GPR78: variants seen among roughly 807,000 people sequenced by gnomAD.
GPR78 encodes G protein-coupled receptor 78.
In GPR78, 29 loss-of-function variants were observed where a neutral mutation model predicts 17.9. The ratio of observed to expected loss-of-function variants is 1.62; its 90% CI spans 1.20 to 2.21. The LOEUF is 2.21. GPR78 is among the 30% of genes most tolerant of loss of function. The probability of loss-of-function intolerance (pLI) is 0.00; values close to 1 mark genes in which losing one functional copy is unlikely to be tolerated. For synonymous variants in GPR78, 349 were observed against 256.9 expected (o/e 1.36, Z -3.43); for missense variants, 649 against 530.5 (o/e 1.22, Z -2.19).
rs761022639 is a variant in GPR78 at position 8,581,581 on chromosome 4, G to T, written c.599G>T (p.Arg200Leu). Residue 200 changes from arginine (R) to leucine (L), a missense_variant, in exon 1 of 3, where the codon CGC (arginine) becomes CTC (leucine). Arg to Leu is a moderately radical substitution (Grantham distance 102). Coordinates refer to ENST00000382487, the MANE Select transcript of GPR78 (RefSeq NM_080819.5). ...LTSLQVHRVA[R>L]RHCQRMDTVT... is the part of the protein sequence containing the mutation. ...TCGCTCCAGGTGCACCGGGTGGCACGCAGACACTGCCAGCGCATGGACACC... is the reference window on the plus strand; with the variant it reads ...TCGCTCCAGGTGCACCGGGTGGCACTCAGACACTGCCAGCGCATGGACACC... The T allele has an allele frequency of 3.2e-6, 5 of 1,568,062 alleles. No homozygotes were observed. Among genetic ancestry groups the T allele is most frequent in the Non-Finnish European group, 4.3e-6 (5 of 1,164,780 alleles).
chr4:8,587,647 G>A lies in GPR78; in HGVS notation c.*284G>A, dbSNP rs759178343. ...CTCACCCTTGTTCTGGGGTCATGGC[G>A]ATGCTTCGAGACAGTGGGTAGGGAA... is the stretch of plus-strand genomic sequence containing the variant. On this transcript the variant is annotated 3_prime_UTR_variant, in exon 3 of 3. Transcript: ENST00000382487. The A allele has an allele frequency of 2.5e-5, 13 of 521,706 alleles. No homozygotes were observed. The highest frequency in any genetic ancestry group is 3.5e-5 in the Non-Finnish European group (10 of 288,416). The allele number at this position is 521,706 out of a possible 1,614,324, so 32.3% of individuals were successfully genotyped here. A position where few individuals can be genotyped will look rare whatever the true frequency, so the allele number is the denominator to read the frequency against.
chr4:8,586,283 C>G (rs1479306281), intron 2 of GPR78, among the ~76,000 whole-genome samples: 1 of 152,230 alleles, frequency 6.6e-6, no homozygotes, highest in Non-Finnish European at 1.5e-5. Context: ...CCCTTCTACT[C>G]TGAGTTCTAA....
In GPR78 at chr4:8,589,679, T is replaced by C. The variant is rs901591845; in HGVS notation, c.*2316T>C. Among the ~76,000 whole-genome samples the C allele has an allele frequency of 1.3e-5, 2 of 152,228 alleles. No homozygotes were observed. Among genetic ancestry groups the C allele is most frequent in the African/African-American group, 4.8e-5 (2 of 41,466 alleles). ...CCGCCAGGCTAAAAGCCTTGGTCAC[T>C]ACTTTAGAGCCACTCAAGGAAACGC... is the stretch of plus-strand genomic sequence containing the variant. On this transcript the variant is annotated 3_prime_UTR_variant, in exon 3 of 3. Transcript: ENST00000382487.
intron 2 of GPR78, among the ~76,000 whole-genome samples, chr4:8,586,114 T>G (rs13146971): frequency 6.6e-6 from 1 of 152,104 alleles, no homozygotes; most frequent in African/African-American, 2.4e-5. Context: ...AGAAGCCTCG[T>G]CCTCACTCTG....
Position 8,585,779 on chromosome 4 carries a change from G to C in GPR78, c.783-1275G>C, listed in dbSNP as rs542968608. Among the ~76,000 whole-genome samples the C allele has an allele frequency of 2.5e-3, 386 of 152,210 alleles. 3 individuals carry two copies. Among genetic ancestry groups the C allele is most frequent in the Non-Finnish European group, 4.0e-3 (270 of 68,012 alleles). ...GCCCCTCAGCTTGAGGTGGTTGCCTGCCTGCCTGCCTGCCAGCCTCCTCAT... is the reference window on the plus strand; with the variant it reads ...GCCCCTCAGCTTGAGGTGGTTGCCTCCCTGCCTGCCTGCCAGCCTCCTCAT... On this transcript the variant is annotated intron_variant, in intron 2 of 2. Transcript: ENST00000382487.
At chr4:8,582,890 A>G (rs1379390058) in intron 2 of GPR78, 2 of 442,306 alleles carry the variant, frequency 4.5e-6, no homozygotes, top group South Asian at 7.8e-5. Context: ...ACAGGCAGAT[A>G]TGGGGTCTGT....
chr4:8,585,905 G>C (rs996340940), intron 2 of GPR78, among the ~76,000 whole-genome samples: 1 of 152,176 alleles, frequency 6.6e-6, no homozygotes, highest in Non-Finnish European at 1.5e-5. Context: ...AAACTAATGA[G>C]TGACCCAGCC....
rs1418304968 is a variant in GPR78 at position 8,580,692 on chromosome 4, T to A, written c.-291T>A. Reference sequence around the variant, plus strand: ...GCGCCTCGCTTCAGCCTCAGGACAGTCCTGCCGGGACGGTGAGCGCATTCA... The same window carrying A: ...GCGCCTCGCTTCAGCCTCAGGACAGACCTGCCGGGACGGTGAGCGCATTCA... On this transcript the variant is annotated 5_prime_UTR_variant, in exon 1 of 3. Coordinates refer to ENST00000382487, the MANE Select transcript of GPR78 (RefSeq NM_080819.5). 1 of 497,494 alleles carries A rather than the reference T, an allele frequency of 2.0e-6. No homozygotes were observed. The highest frequency in any genetic ancestry group is 2.0e-5 in the African/African-American group (1 of 48,952). 30.8% of individuals were successfully genotyped at this position (497,494 alleles called of 1,614,324 possible).
At chr4:8,586,066 G>A (rs2109301703) in intron 2 of GPR78, among the ~76,000 whole-genome samples, 1 of 152,342 alleles carries the variant, frequency 6.6e-6, no homozygotes, top group Admixed American at 6.5e-5. Context: ...AGGTGGAACA[G>A]CTGCCACTGG....
At position 8,589,332 on chromosome 4, in the gene GPR78, C is replaced by A. The variant is rs559951092; in HGVS notation, c.*1969C>A. ...GGAAGCAGTTAAAAACATTAAAATA[C>A]AGACCTGGCCAGTTCAATCCAACCC... On this transcript the variant is annotated 3_prime_UTR_variant, in exon 3 of 3. Transcript: ENST00000382487. Among the ~76,000 whole-genome samples, 1 of 152,100 alleles carries A rather than the reference C, an allele frequency of 6.6e-6. No homozygotes were observed. Among genetic ancestry groups the A allele is most frequent in the African/African-American group, 2.4e-5 (1 of 41,410 alleles).
rs1055892677 is a variant in GPR78, at chr4:8,588,661, C to T, written c.*1298C>T. Among the ~76,000 whole-genome samples the T allele has an allele frequency of 6.6e-6, 1 of 152,230 alleles. No individual in the cohort carries two copies. Among genetic ancestry groups the T allele is most frequent in the East Asian group, 1.9e-4 (1 of 5,192 alleles). On this transcript the variant is annotated 3_prime_UTR_variant, in exon 3 of 3. Coordinates refer to ENST00000382487, the MANE Select transcript of GPR78 (RefSeq NM_080819.5). ...CTCTCTGATGGGCTTCAACCGTGGGCTCTTGCAGGCATGGAGCCTGTATCA... is the reference window on the plus strand; with the variant it reads ...CTCTCTGATGGGCTTCAACCGTGGGTTCTTGCAGGCATGGAGCCTGTATCA...
Position 8,581,223 on chromosome 4 carries a change from G to A in GPR78, c.241G>A (p.Val81Ile). ...RTPSAPGACQ[V>I]IGFLDTFLAS... ...ACCGTCGGCGCCCGGCGCATGCCAAGTCATTGGCTTCCTGGACACCTTCCT... is the reference window on the plus strand; with the variant it reads ...ACCGTCGGCGCCCGGCGCATGCCAAATCATTGGCTTCCTGGACACCTTCCT... The change falls in exon 1 of 3, where the codon GTC becomes ATC. Residue 81 changes from valine (V) to isoleucine (I), a missense_variant. Coordinates refer to ENST00000382487, the MANE Select transcript of GPR78 (RefSeq NM_080819.5). The A allele has an allele frequency of 6.3e-7, 1 of 1,598,054 alleles. No individual in the cohort carries two copies. The highest frequency in any genetic ancestry group is 8.5e-7 in the Non-Finnish European group (1 of 1,177,088).
chr4:8,586,590 C>T (rs1458785057), intron 2 of GPR78, among the ~76,000 whole-genome samples: 1 of 152,182 alleles, frequency 6.6e-6, no homozygotes, highest in Non-Finnish European at 1.5e-5. Context: ...CAACATTGTC[C>T]AGGTTTGGGA....
Position 8,581,225 on chromosome 4 carries a change from C to T in GPR78, c.243C>T (p.Val81=), listed in dbSNP as rs769431178. 3.4e-5 allele frequency: 54 copies of T among 1,597,376 alleles called. 1 individual carries two copies. Among genetic ancestry groups the T allele is most frequent in the Non-Finnish European group, 4.3e-5 (51 of 1,176,816 alleles). ...RTPSAPGACQ[V]IGFLDTFLAS... The stretch of plus-strand genomic sequence containing the variant: ...CGTCGGCGCCCGGCGCATGCCAAGT[C>T]ATTGGCTTCCTGGACACCTTCCTGG... Residue 81 remains valine (V), a synonymous_variant, in exon 1 of 3, where the codon GTC becomes GTT. Coordinates refer to ENST00000382487, the MANE Select transcript of GPR78 (RefSeq NM_080819.5).
intron 1 of GPR78, 72 bp from the exon 2 acceptor site, chr4:8,582,459 G>A (rs1577098465): frequency 2.0e-6 from 2 of 1,011,942 alleles, no homozygotes; most frequent in East Asian, 4.8e-5. Context: ...CCTCACTTCA[G>A]CCCCTGGGCT....
chr4:8,581,107 G>C lies in GPR78; in HGVS notation c.125G>C (p.Gly42Ala). Residue 42 changes from glycine to alanine, a missense_variant, in exon 1 of 3, where the codon GGC (glycine) becomes GCC (alanine). Transcript: ENST00000382487. The part of the protein sequence containing the change: ...YSAELRTRAS[G>A]VLLVNLSLGH... The stretch of plus-strand genomic sequence containing the variant: ...GCTGAGCTCCGCACTCGAGCCTCAG[G>C]CGTCCTCCTGGTGAATCTGTCTCTG... 1 of 1,606,472 alleles carries C rather than the reference G, an allele frequency of 6.2e-7. No homozygotes were observed. The highest frequency in any genetic ancestry group is 8.5e-7 in the Non-Finnish European group (1 of 1,179,708).
Position 8,588,633 on chromosome 4 carries a change from G to C in GPR78, c.*1270G>C, listed in dbSNP as rs1713612968. Among the ~76,000 whole-genome samples, 1 of 152,204 alleles carries C rather than the reference G, an allele frequency of 6.6e-6. No individual in the cohort carries two copies. Among genetic ancestry groups the C allele is most frequent in the African/African-American group, 2.4e-5 (1 of 41,450 alleles). On this transcript the variant is annotated 3_prime_UTR_variant, in exon 3 of 3. Coordinates refer to ENST00000382487, the MANE Select transcript of GPR78 (RefSeq NM_080819.5). ...CAAGACCTCAGGCCCCTGCCTCATG[G>C]GACTCTCTGATGGGCTTCAACCGTG... is the stretch of plus-strand genomic sequence containing the variant.
At position 8,586,624 on chromosome 4, in the gene GPR78, G is replaced by A. The variant is rs371444145; in HGVS notation, c.783-430G>A. Reference sequence around the variant, plus strand: ...GAGATAAATGCCAGAGGAGAGTCTGGTTGGGGGCTCCCAGAGCTCACATCT... The same window carrying A: ...GAGATAAATGCCAGAGGAGAGTCTGATTGGGGGCTCCCAGAGCTCACATCT... On this transcript the variant is annotated intron_variant, in intron 2 of 2. Transcript: ENST00000382487. Among the ~76,000 whole-genome samples the A allele has an allele frequency of 1.2e-4, 18 of 152,362 alleles. No individual in the cohort carries two copies. In the East Asian group the frequency reaches 1.7e-3, roughly 15 times the overall value.
At chr4:8,586,235 C>T (rs560425272) in intron 2 of GPR78, among the ~76,000 whole-genome samples, 3 of 152,286 alleles carry the variant, frequency 2.0e-5, no homozygotes, top group African/African-American at 7.2e-5. Flanking sequence ...TCCCCAGAGG[C>T]CCATCCCCCT....
Sources: gnomAD v4.1 joint callset for allele counts (sites outside exome capture counted in the v4.1 genomes callset) on GRCh38, gnomAD v4.1.1 for gene constraint, MANE v1.5 for transcripts, NCBI Gene and HGNC (gene_info 2026-07-23, HGNC 2026-07-21) for gene names.